Variants in ADAMTS9 observed in about 807,000 individuals in gnomAD.
ADAMTS9 encodes A disintegrin and metalloproteinase with thrombospondin motifs 9.
In ADAMTS9, 107 loss-of-function variants were observed where a neutral mutation model predicts 257.1. The ratio of observed to expected loss-of-function variants is 0.42; its 90% CI spans 0.36 to 0.49. The LOEUF (loss-of-function observed/expected upper bound fraction) is 0.49. ADAMTS9 is among the 20% of genes least tolerant of loss of function. The pLI is 0.03. For synonymous variants in ADAMTS9, 982 were observed against 880.9 expected (o/e 1.11, Z -2.03); for missense variants, 2,353 against 2,469.1 (o/e 0.95, Z 1.00).
At chr3:64,573,398 A>G (rs1192750599) in intron 28 of ADAMTS9, among the ~76,000 whole-genome samples, 1 of 152,190 alleles carries the variant, frequency 6.6e-6, no homozygotes, top group African/African-American at 2.4e-5. Flanking sequence ...AATAACAAGC[A>G]CTGAAAGGCC....
At chr3:64,555,725 G>T (rs1362352461) in intron 30 of ADAMTS9, among the ~76,000 whole-genome samples, 2 of 152,184 alleles carry the variant, frequency 1.3e-5, no homozygotes, top group Admixed American at 1.3e-4. Flanking sequence ...GAATGATGGA[G>T]GACATCAGTT....
chr3:64,558,221 C>G (rs537029047), intron 30 of ADAMTS9, among the ~76,000 whole-genome samples: 56 of 152,090 alleles, frequency 3.7e-4, no homozygotes, highest in African/African-American at 1.4e-3. Flanking sequence ...AGTGTAGGTG[C>G]CAGCGTGCAA....
chr3:64,606,079 A>T (rs2084551593), intron 23 of ADAMTS9, among the ~76,000 whole-genome samples: 1 of 152,166 alleles, frequency 6.6e-6, no homozygotes, highest in African/African-American at 2.4e-5. Flanking sequence ...AATGATGAAG[A>T]TGTATGGCCA....
chr3:64,518,887 C>T (rs2082815877), intron 39 of ADAMTS9, among the ~76,000 whole-genome samples: 1 of 148,294 alleles, frequency 6.7e-6, no homozygotes, highest in East Asian at 2.1e-4. Flanking sequence ...AAGCGATTCT[C>T]CTGCCTCAGG....
intron 28 of ADAMTS9, chr3:64,592,809 C>T (rs1265527676): frequency 6.6e-6 from 1 of 151,522 alleles, no homozygotes; most frequent in Non-Finnish European, 1.5e-5. Flanking sequence ...TGAACTACGA[C>T]TTTGTGGACA....
intron 38 of ADAMTS9, among the ~76,000 whole-genome samples, chr3:64,527,318 A>G (rs1440108171): frequency 6.6e-6 from 1 of 152,212 alleles, no homozygotes; most frequent in African/African-American, 2.4e-5. Context: ...TGTATTTCAT[A>G]CTTTTCACTA....
At chr3:64,598,345 T>C (rs11706092) in intron 26 of ADAMTS9, among the ~76,000 whole-genome samples, 35,270 of 148,324 alleles carry the variant, frequency 0.24, 5,011 homozygotes, top group Admixed American at 0.35. Context: ...TGAGGTGGGG[T>C]TTTGCTCTGT....
chr3:64,542,083 C>T, intron 32 of ADAMTS9, 113 bp from the exon 33 acceptor site: 2 of 1,387,882 alleles, frequency 1.4e-6, no homozygotes, highest in Admixed American at 2.2e-5. Flanking sequence ...TCACTTCAGA[C>T]CCTGTGTCGC....
Position 64,539,065 on chromosome 3 carries a change from G to T in ADAMTS9, c.5613+138C>A. On this transcript the variant is annotated intron_variant, in intron 37 of 39. Transcript: ENST00000498707. ...AGATTAGACTCCAGAGCATTTGAGA[G>T]GGTCTTGATACATGTGGCCAAACTG... The T allele has an allele frequency of 1.9e-5, 14 of 756,204 alleles. No individual in the cohort carries two copies. In the South Asian group the frequency reaches 2.3e-4, roughly 13 times the overall value. The allele number at this position is 756,204 out of a possible 1,614,324, so 46.8% of individuals were successfully genotyped here.
chr3:64,544,002 T>C (rs368428490), intron 32 of ADAMTS9, among the ~76,000 whole-genome samples: 2 of 152,160 alleles, frequency 1.3e-5, no homozygotes, highest in African/African-American at 2.4e-5. Context: ...CATGAGTGAA[T>C]TCCCATTCAC....
intron 37 of ADAMTS9, among the ~76,000 whole-genome samples, chr3:64,536,321 C>T (rs933493439): frequency 6.6e-6 from 1 of 152,180 alleles, no homozygotes. Flanking sequence ...TGGCTCTGCT[C>T]TGGGACATCT....
chr3:64,584,748 TC>T (rs965048832), intron 28 of ADAMTS9, among the ~76,000 whole-genome samples: 6 of 152,076 alleles, frequency 3.9e-5, no homozygotes, highest in African/African-American at 9.6e-5. Context: ...CCACATTTGC[TC>T]CCCCCATCTC....
intron 14 of ADAMTS9, 38 bp downstream of exon 14, chr3:64,633,434 G>A (rs760138993): frequency 1.7e-5 from 28 of 1,610,108 alleles, no homozygotes; most frequent in East Asian, 2.2e-5. Flanking sequence ...GGTTGGCAGC[G>A]GGAAAACACA....
intron 2 of ADAMTS9, among the ~76,000 whole-genome samples, chr3:64,683,358 G>A (rs1423958330): frequency 3.9e-5 from 6 of 152,156 alleles, no homozygotes; most frequent in Non-Finnish European, 5.9e-5. Context: ...CTTTAGTCTC[G>A]TGCCTTTTTA....
chr3:64,635,035 G>A (rs1044528836), intron 12 of ADAMTS9, among the ~76,000 whole-genome samples: 7 of 151,998 alleles, frequency 4.6e-5, no homozygotes, highest in East Asian at 1.9e-4. Context: ...TACAATAAGT[G>A]CACATAGTAG....
At chr3:64,631,166 A>T (rs1204959665) in intron 16 of ADAMTS9, among the ~76,000 whole-genome samples, 1 of 152,228 alleles carries the variant, frequency 6.6e-6, no homozygotes, top group Admixed American at 6.5e-5. Context: ...TTTTATGCTA[A>T]ACTTAGAGGA....
chr3:64,580,082 G>A (rs1395710678), intron 28 of ADAMTS9, among the ~76,000 whole-genome samples: 1 of 152,108 alleles, frequency 6.6e-6, no homozygotes, highest in African/African-American at 2.4e-5. Flanking sequence ...ATCTTAGAGT[G>A]ACATTTTTGT....
chr3:64,576,632 A>C (rs2083854827), intron 28 of ADAMTS9, among the ~76,000 whole-genome samples: 1 of 152,190 alleles, frequency 6.6e-6, no homozygotes, highest in Non-Finnish European at 1.5e-5. Flanking sequence ...CATGAAAAGG[A>C]GCTGAGAGCG....
chr3:64,578,114 G>A (rs1404348923), intron 28 of ADAMTS9, among the ~76,000 whole-genome samples: 1 of 152,194 alleles, frequency 6.6e-6, no homozygotes, highest in Non-Finnish European at 1.5e-5. Flanking sequence ...TGTATCCAGA[G>A]AAATGTATCT....
Sources: gnomAD v4.1 joint callset for allele counts (sites outside exome capture counted in the v4.1 genomes callset) on GRCh38, gnomAD v4.1.1 for gene constraint, MANE v1.5 for transcripts, NCBI Gene and HGNC (gene_info 2026-07-23, HGNC 2026-07-21) for gene names.